Variants in UBR3 observed in about 807,000 individuals in gnomAD.
UBR3 encodes the protein ubiquitin protein ligase E3 component n-recognin 3.
In UBR3, 85 loss-of-function variants were observed where a neutral mutation model predicts 243.2. The observed-to-expected ratio is 0.35, with a 90% CI of 0.29 to 0.42. The LOEUF is 0.42. Among genes scored for constraint, UBR3 ranks in the 10% least tolerant of loss-of-function variants. The pLI is 1.00. For missense variants in UBR3, 1,686 were observed against 2,300.8 expected (o/e 0.73, Z 5.47); for synonymous variants, 748 against 799.8 (o/e 0.94, Z 1.09).
rs149254069 is a variant in UBR3 at position 169,921,405 on chromosome 2, T to C, written c.1867-2524T>C. ...GAATGGAATCCAAGGACTCTCAGTA[T>C]ATATAGGAATAGAAGAAGTGCTTAT... On this transcript the variant is annotated intron_variant, in intron 11 of 38. Coordinates refer to ENST00000272793, the MANE Select transcript of UBR3 (RefSeq NM_172070.4). 8.4e-3 allele frequency among the ~76,000 whole-genome samples: 1,277 copies of C among 152,256 alleles called. 23 individuals are homozygous for C. The highest frequency in any genetic ancestry group is 0.029 in the African/African-American group (1,192 of 41,542).
rs374018453 is a variant in UBR3, at chr2:170,016,201, G to A, written c.4453+835G>A. ...AAATATATGTTATTTCAAAAAATAT[G>A]TAATTTTGAATTGATTCCAAAGCAA... On this transcript the variant is annotated intron_variant, in intron 30 of 38. Coordinates refer to ENST00000272793, the MANE Select transcript of UBR3 (RefSeq NM_172070.4). Among the ~76,000 whole-genome samples the A allele has an allele frequency of 9.5e-4, 145 of 151,890 alleles. 3 individuals carry two copies. The South Asian group carries it at 0.03, about 31-fold the overall frequency.
rs752624706 is a variant in UBR3 at position 169,958,491 on chromosome 2, G to A, written c.3599G>A (p.Arg1200Gln). ...QQKLLAEFASRQKSFMETAMD... is the reference protein window; with the variant it reads ...QQKLLAEFASQQKSFMETAMD... ...AAATTGCTTGCGGAGTTTGCTTCACGACAGAAAAGCTTTATGGAAACTGCA... is the reference window on the plus strand; with the variant it reads ...AAATTGCTTGCGGAGTTTGCTTCACAACAGAAAAGCTTTATGGAAACTGCA... The change falls in exon 24 of 39, where the codon CGA becomes CAA. Residue 1200 changes from arginine to glutamine, a missense_variant. Physicochemically the swap from Arg to Gln is conservative, Grantham distance 43. Coordinates refer to ENST00000272793, the MANE Select transcript of UBR3 (RefSeq NM_172070.4). The A allele has an allele frequency of 3.7e-5, 59 of 1,612,874 alleles. No homozygotes were observed. Among genetic ancestry groups the A allele is most frequent in the Non-Finnish European group, 4.5e-5 (53 of 1,179,308 alleles).
Position 170,061,195 on chromosome 2 carries a change from C to T in UBR3, c.4893+9C>T, listed in dbSNP as rs771070227. ...CTCAGGAATGTGCAATGGTATGTTTCTGCAAAAATCAGATGTAGCGGTTAT... is the reference window on the plus strand; with the variant it reads ...CTCAGGAATGTGCAATGGTATGTTTTTGCAAAAATCAGATGTAGCGGTTAT... On this transcript the variant is annotated intron_variant, in intron 34 of 38. Coordinates refer to ENST00000272793, the MANE Select transcript of UBR3 (RefSeq NM_172070.4). 1 of 1,583,934 alleles carries T rather than the reference C, an allele frequency of 6.3e-7. No homozygotes were observed. The highest frequency in any genetic ancestry group is 2.2e-5 in the East Asian group (1 of 44,662).
rs560037033 is a variant in UBR3, at chr2:169,860,424, T to C, written c.546-11812T>C. ...TCTCAAGTGAATTTATCTGCACTGG[T>C]AATGCAGTGCCCTTCAGAAGATTCT... is the stretch of plus-strand genomic sequence containing the variant. On this transcript the variant is annotated intron_variant, in intron 1 of 38. Coordinates refer to ENST00000272793, the MANE Select transcript of UBR3 (RefSeq NM_172070.4). Among the ~76,000 whole-genome samples the C allele has an allele frequency of 2.0e-5, 3 of 152,324 alleles. No homozygotes were observed. The South Asian group carries it at 6.2e-4, about 32-fold the overall frequency.
At chr2:169,839,667 ACAC>A (rs2082228893) in intron 1 of UBR3, among the ~76,000 whole-genome samples, 1 of 149,908 alleles carries the variant, frequency 6.7e-6, no homozygotes, top group Non-Finnish European at 1.5e-5. Context: ...ATCAAATAAA[ACAC>A]ACACACACAC....
At chr2:169,837,368 C>A (rs965302862) in intron 1 of UBR3, among the ~76,000 whole-genome samples, 1 of 152,194 alleles carries the variant, frequency 6.6e-6, no homozygotes, top group East Asian at 1.9e-4. Flanking sequence ...CCCAGCTTCT[C>A]GGGAGGCTGA....
At chr2:169,905,611 C>T (rs553233618) in intron 9 of UBR3, among the ~76,000 whole-genome samples, 1 of 152,118 alleles carries the variant, frequency 6.6e-6, no homozygotes, top group Non-Finnish European at 1.5e-5. Flanking sequence ...CTGGGCTCAA[C>T]CAATCCATTT....
chr2:169,944,362 A>T (rs923696725), intron 20 of UBR3, among the ~76,000 whole-genome samples: 15 of 152,214 alleles, frequency 9.9e-5, no homozygotes, highest in Non-Finnish European at 2.1e-4. Flanking sequence ...CAAGTAATTC[A>T]TGAAAAATTA....
At chr2:169,992,038 A>T (rs2089296440) in intron 25 of UBR3, among the ~76,000 whole-genome samples, 1 of 152,222 alleles carries the variant, frequency 6.6e-6, no homozygotes, top group South Asian at 2.1e-4. Flanking sequence ...TGCATACATT[A>T]AAAAAGATTC....
intron 1 of UBR3, among the ~76,000 whole-genome samples, chr2:169,855,762 C>G (rs537965226): frequency 6.6e-6 from 1 of 152,354 alleles, no homozygotes; most frequent in Non-Finnish European, 1.5e-5. Flanking sequence ...CACACAGACA[C>G]AGTAACAATC....
chr2:170,008,609 A>G (rs1466426067), intron 28 of UBR3, among the ~76,000 whole-genome samples, 195 bp from the exon 29 acceptor site: 2 of 152,136 alleles, frequency 1.3e-5, no homozygotes, highest in Non-Finnish European at 2.9e-5. Flanking sequence ...GAATTAGAAT[A>G]AAAGATCACT....
intron 23 of UBR3, among the ~76,000 whole-genome samples, chr2:169,957,839 T>G (rs533853061): frequency 1.8e-4 from 28 of 152,326 alleles, no homozygotes; most frequent in African/African-American, 5.1e-4. Flanking sequence ...AATACAGTTT[T>G]ATTCTTATGT....
chr2:169,850,205 G>T (rs565016808), intron 1 of UBR3, among the ~76,000 whole-genome samples: 50 of 125,074 alleles, frequency 4.0e-4, no homozygotes, highest in Middle Eastern at 0.013. Context: ...TTGAGACAGG[G>T]TCTCACTCTT....
chr2:169,890,567 G>GTGTGTA (rs1475776277), intron 5 of UBR3, among the ~76,000 whole-genome samples: 3 of 59,538 alleles, frequency 5.0e-5, no homozygotes, highest in Admixed American at 1.7e-4. Context: ...ATATATATGT[G>GTGTGTA]TATATATATA....
intron 1 of UBR3, among the ~76,000 whole-genome samples, chr2:169,841,318 G>A (rs1005828150): frequency 2.6e-5 from 4 of 152,138 alleles, no homozygotes; most frequent in Non-Finnish European, 4.4e-5. Context: ...CTAGTTTATA[G>A]CTCTTAAATT....
At chr2:170,055,651 G>T (rs1452393735) in intron 33 of UBR3, 67 bp downstream of exon 33, 1 of 1,576,364 alleles carries the variant, frequency 6.3e-7, no homozygotes, top group African/African-American at 1.4e-5. Context: ...GATATTGAGT[G>T]AATAAGAGTA....
At chr2:169,910,904 A>G (rs1336218245) in intron 10 of UBR3, among the ~76,000 whole-genome samples, 1 of 152,174 alleles carries the variant, frequency 6.6e-6, no homozygotes, top group Non-Finnish European at 1.5e-5. Context: ...AAAGCTTTTT[A>G]GCTGCAGTGC....
At chr2:169,878,221 C>T (rs567789757) in intron 4 of UBR3, among the ~76,000 whole-genome samples, 2 of 152,142 alleles carry the variant, frequency 1.3e-5, no homozygotes, top group African/African-American at 2.4e-5. Flanking sequence ...ATTAGCTGGG[C>T]GTGCTGGCAG....
At chr2:169,882,810 C>A (rs2083944821) in intron 5 of UBR3, among the ~76,000 whole-genome samples, 1 of 151,672 alleles carries the variant, frequency 6.6e-6, no homozygotes. Flanking sequence ...TCAAGCAATT[C>A]AAGGGTTATA....
Sources: allele counts gnomAD v4.1 joint callset (sites outside exome capture counted in the v4.1 genomes callset), GRCh38; gene constraint gnomAD v4.1.1; transcripts MANE v1.5; gene names NCBI Gene and HGNC (gene_info 2026-07-23, HGNC 2026-07-21).